The following IL1RAPL1 variants were observed in gnomAD, a reference collection of about 807,000 sequenced individuals.
IL1RAPL1 encodes interleukin 1 receptor accessory protein like 1, also known as interleukin-1 receptor accessory protein-like 1.
IL1RAPL1 carries 3 observed loss-of-function variants against 48.4 expected under a neutral mutation model. That is an observed-to-expected ratio of 0.06 (90% CI 0.03 to 0.16). The LOEUF (loss-of-function observed/expected upper bound fraction) is 0.16. IL1RAPL1 is among the 10% of genes least tolerant of loss of function. The probability of loss-of-function intolerance (pLI) is 1.00; values close to 1 mark genes in which losing one functional copy is unlikely to be tolerated. For synonymous variants in IL1RAPL1, 185 were observed against 187.7 expected, an observed-to-expected ratio of 0.99 and a Z score of 0.12; for missense variants, 349 against 530.6, an observed-to-expected ratio of 0.66 and a Z score of 3.36.
In IL1RAPL1 at chrX:28,587,454, A is replaced by T. The variant is rs1933853476; in HGVS notation, c.-618A>T. 1 of 107,798 alleles carries T rather than the reference A, an allele frequency of 9.3e-6. No individual in the cohort carries two copies. Among genetic ancestry groups the T allele is most frequent in the Admixed American group, 1.0e-4 (1 of 9,808 alleles). 8.9% of individuals were successfully genotyped at this position (107,798 alleles called of 1,213,427 possible). A position where few individuals can be genotyped will look rare whatever the true frequency, so the allele number is the denominator to read the frequency against. On this transcript the variant is annotated 5_prime_UTR_variant, in exon 1 of 11. In the 5' UTR this introduces an upstream ATG that the reference lacks. Coordinates refer to ENST00000378993, the MANE Select transcript of IL1RAPL1 (RefSeq NM_014271.4). ...TGCTTTCACATAGCAGTACTGTACA[A>T]GGAAAACCCCGTCGGATCTGTTATT... is the stretch of plus-strand genomic sequence containing the variant.
intron 3 of IL1RAPL1, among the ~76,000 whole-genome samples, chrX:29,323,448 T>A (rs1257225207): frequency 9.3e-6 from 1 of 107,195 alleles, no homozygotes; most frequent in Non-Finnish European, 1.9e-5. Context: ...TCTTAGTCTC[T>A]ACACACTTGC....
chrX:29,093,205 C>G (rs759900238), intron 2 of IL1RAPL1, among the ~76,000 whole-genome samples: 1 of 111,373 alleles, frequency 9.0e-6, no homozygotes, highest in Non-Finnish European at 1.9e-5. Flanking sequence ...TCAATTGGCT[C>G]ACAATTCCAC....
At chrX:29,323,421 C>T (rs1380491920) in intron 3 of IL1RAPL1, among the ~76,000 whole-genome samples, 1 of 107,081 alleles carries the variant, frequency 9.3e-6, no homozygotes, top group Non-Finnish European at 1.9e-5. Context: ...CTGCACTTGA[C>T]ACTGTTCATT....
intron 1 of IL1RAPL1, among the ~76,000 whole-genome samples, chrX:28,785,734 T>C (rs1936466648): frequency 1.8e-5 from 2 of 112,239 alleles, no homozygotes; most frequent in African/African-American, 6.5e-5. Context: ...TCCTGGCTAA[T>C]ATTTTAATAA....
chrX:28,723,002 T>A (rs1296700011), intron 1 of IL1RAPL1, among the ~76,000 whole-genome samples: 2 of 111,786 alleles, frequency 1.8e-5, no homozygotes, highest in African/African-American at 6.5e-5. Context: ...TGCCAGTATC[T>A]TATTGAGGAT....
At chrX:28,861,186 A>C (rs889149117) in intron 2 of IL1RAPL1, among the ~76,000 whole-genome samples, 20 of 111,877 alleles carry the variant, frequency 1.8e-4, no homozygotes, top group Non-Finnish European at 3.2e-4. Flanking sequence ...GTAAGCTAAG[A>C]ATGTCAAAAG....
At chrX:29,833,775 C>T (rs764577863) in intron 6 of IL1RAPL1, among the ~76,000 whole-genome samples, 4 of 111,922 alleles carry the variant, frequency 3.6e-5, no homozygotes, top group Non-Finnish European at 7.5e-5. Context: ...AAAAGAGCTG[C>T]TGTGATCCAT....
At chrX:29,578,218 A>C (rs926123573) in intron 5 of IL1RAPL1, among the ~76,000 whole-genome samples, 1 of 112,077 alleles carries the variant, frequency 8.9e-6, no homozygotes, top group African/African-American at 3.2e-5. Context: ...GTGTTGCACC[A>C]TGGGAGGGAA....
At chrX:29,201,994 C>T (rs906096378) in intron 2 of IL1RAPL1, among the ~76,000 whole-genome samples, 1 of 112,426 alleles carries the variant, frequency 8.9e-6, no homozygotes, top group African/African-American at 3.2e-5. Flanking sequence ...CAAGCCCGAC[C>T]TATTGATTTC....
At position 28,778,937 on chromosome X, in the gene IL1RAPL1, G is replaced by A. The variant is rs149454009; in HGVS notation, c.-24-10383G>A. 2.4e-3 allele frequency among the ~76,000 whole-genome samples: 269 copies of A among 111,945 alleles called. 3 individuals are homozygous for A. In the East Asian group the frequency reaches 0.053, roughly 22 times the overall value. ...TACATTATTGTATTCAATGTTTGCA[G>A]TAATCCTTTGAGATACAGACTATTC... On this transcript the variant is annotated intron_variant, in intron 1 of 10. Coordinates refer to ENST00000378993, the MANE Select transcript of IL1RAPL1 (RefSeq NM_014271.4).
intron 6 of IL1RAPL1, among the ~76,000 whole-genome samples, chrX:29,802,781 A>ATATG (rs1555922107): frequency 3.1e-5 from 1 of 32,637 alleles, no homozygotes; most frequent in Non-Finnish European, 5.0e-5. Flanking sequence ...ATATATATAT[A>ATATG]TGTGTGTGTG....
intron 3 of IL1RAPL1, among the ~76,000 whole-genome samples, chrX:29,339,190 C>G (rs1933040890): frequency 9.0e-6 from 1 of 110,815 alleles, no homozygotes. Context: ...ATAAGAAAGG[C>G]AACTTGACAT....
chrX:29,623,685 T>A (rs921892816), intron 5 of IL1RAPL1, among the ~76,000 whole-genome samples: 2 of 112,179 alleles, frequency 1.8e-5, no homozygotes, highest in East Asian at 5.6e-4. Context: ...ATGATAAGAT[T>A]TTACACATTT....
At chrX:29,774,576 G>A (rs1041525556) in intron 6 of IL1RAPL1, among the ~76,000 whole-genome samples, 4 of 112,078 alleles carry the variant, frequency 3.6e-5, no homozygotes, top group African/African-American at 1.3e-4. Context: ...TAATATTTCA[G>A]TGAATATAAT....
intron 2 of IL1RAPL1, among the ~76,000 whole-genome samples, chrX:29,186,331 C>G (rs189826317): frequency 8.9e-6 from 1 of 111,790 alleles, no homozygotes; most frequent in East Asian, 2.8e-4. Flanking sequence ...TGATACAATT[C>G]GTTTTGCTAT....
At chrX:28,771,862 C>T (rs1361936055) in intron 1 of IL1RAPL1, among the ~76,000 whole-genome samples, 2 of 94,790 alleles carry the variant, frequency 2.1e-5, no homozygotes, top group African/African-American at 8.1e-5. Context: ...ACCCGGGAAG[C>T]GGAGCTTGCA....
intron 6 of IL1RAPL1, among the ~76,000 whole-genome samples, chrX:29,915,832 C>T (rs1467464610): frequency 1.2e-5 from 1 of 86,313 alleles, no homozygotes; most frequent in African/African-American, 4.3e-5. Context: ...ATGTGCCATG[C>T]TGGTGCGCTG....
chrX:29,744,570 A>T (rs1165122148), intron 6 of IL1RAPL1, among the ~76,000 whole-genome samples: 1 of 112,223 alleles, frequency 8.9e-6, no homozygotes, highest in Non-Finnish European at 1.9e-5. Flanking sequence ...ATCATAGTTG[A>T]ACTAAGAAGC....
At chrX:29,384,508 A>G (rs950643954) in intron 3 of IL1RAPL1, among the ~76,000 whole-genome samples, 2 of 112,615 alleles carry the variant, frequency 1.8e-5, no homozygotes, top group African/African-American at 6.4e-5. Flanking sequence ...AAGATCAGTT[A>G]GTGATAACTG....
Sources: allele counts gnomAD v4.1 joint callset (sites outside exome capture counted in the v4.1 genomes callset), GRCh38; gene constraint gnomAD v4.1.1; transcripts MANE v1.5; gene names NCBI Gene and HGNC (gene_info 2026-07-23, HGNC 2026-07-21).